Variants in VAV3 observed in about 807,000 individuals in gnomAD.
The protein encoded by VAV3 is guanine nucleotide exchange factor VAV3.
Under a neutral mutation model 131.2 loss-of-function variants are expected in VAV3, and 94 were observed. The observed-to-expected ratio is 0.72, with a 90% CI of 0.61 to 0.85. The LOEUF is 0.85. Among genes scored for constraint, VAV3 ranks in the 40% least tolerant of loss-of-function variants. VAV3 has a pLI of 0.00. For synonymous variants in VAV3, 349 were observed against 342.0 expected (o/e 1.02, Z -0.22); for missense variants, 939 against 1,002.7 (o/e 0.94, Z 0.86).
chr1:107,707,704 T>C (rs149002155), intron 15 of VAV3, among the ~76,000 whole-genome samples: 1 of 152,324 alleles, frequency 6.6e-6, no homozygotes, highest in Non-Finnish European at 1.5e-5. Flanking sequence ...AGAGATTACA[T>C]GTATGAAAAA....
intron 6 of VAV3, among the ~76,000 whole-genome samples, chr1:107,770,287 C>T (rs969661320): frequency 6.6e-6 from 1 of 152,096 alleles, no homozygotes; most frequent in African/African-American, 2.4e-5. Context: ...AGCCCTCCCC[C>T]CCCATCACTC....
In VAV3 at chr1:107,809,270, C is replaced by CT. The variant is rs200876765; in HGVS notation, c.322-29779_322-29778insA. ...AGGTGGAATCAGCACTATAATTAGA[C>CT]ACAACCTAAGAGTCTGAGAAATCAA... On this transcript the variant is annotated intron_variant, in intron 2 of 26. Transcript: ENST00000370056. Among the ~76,000 whole-genome samples, 6 of 152,124 alleles carry CT rather than the reference C, an allele frequency of 3.9e-5. No homozygotes were observed. The East Asian group carries it at 1.2e-3, about 29-fold the overall frequency.
chr1:107,941,397 T>C (rs1673989320), intron 1 of VAV3, among the ~76,000 whole-genome samples: 2 of 152,206 alleles, frequency 1.3e-5, no homozygotes, highest in African/African-American at 4.8e-5. Flanking sequence ...TGCTTTGGGC[T>C]GTAAAAACTG....
At chr1:107,961,735 G>A (rs1212435758) in intron 1 of VAV3, among the ~76,000 whole-genome samples, 1 of 152,104 alleles carries the variant, frequency 6.6e-6, no homozygotes, top group Non-Finnish European at 1.5e-5. Context: ...AAAACAAACT[G>A]ATGTCAACAG....
intron 15 of VAV3, among the ~76,000 whole-genome samples, chr1:107,737,347 T>A (rs1011125200): frequency 2.0e-5 from 3 of 152,048 alleles, no homozygotes; most frequent in Non-Finnish European, 2.9e-5. Flanking sequence ...AAGCCAAAAT[T>A]GACAAATGGG....
At chr1:107,603,359 A>G (rs1198737026) in intron 22 of VAV3, among the ~76,000 whole-genome samples, 196 bp from the exon 23 acceptor site, 2 of 152,188 alleles carry the variant, frequency 1.3e-5, no homozygotes, top group African/African-American at 4.8e-5. Flanking sequence ...CTACAAAACT[A>G]ACAACAGCAA....
At chr1:107,672,714 A>G (rs1353496356) in intron 19 of VAV3, among the ~76,000 whole-genome samples, 1 of 152,198 alleles carries the variant, frequency 6.6e-6, no homozygotes. Flanking sequence ...AAGAGGGAGT[A>G]AGCATAATAG....
chr1:107,648,459 C>T (rs148597513), intron 19 of VAV3, among the ~76,000 whole-genome samples: 2 of 151,926 alleles, frequency 1.3e-5, no homozygotes, highest in Non-Finnish European at 2.9e-5. Flanking sequence ...TTCTGTTATA[C>T]ATGTACATTT....
intron 20 of VAV3, among the ~76,000 whole-genome samples, chr1:107,639,748 A>G (rs1450964827): frequency 6.6e-6 from 1 of 152,134 alleles, no homozygotes; most frequent in East Asian, 1.9e-4. Context: ...GTTTGAGAAT[A>G]GCCTGGGCAA....
chr1:107,596,686 T>A (rs2101073730), intron 24 of VAV3, among the ~76,000 whole-genome samples: 1 of 152,352 alleles, frequency 6.6e-6, no homozygotes, highest in African/African-American at 2.4e-5. Flanking sequence ...ATGAAATACT[T>A]GCCTTTCTAA....
chr1:107,803,983 T>C lies in VAV3; in HGVS notation c.322-24491A>G, dbSNP rs116703098. 3.3e-3 allele frequency among the ~76,000 whole-genome samples: 495 copies of C among 152,204 alleles called. 1 individual carries two copies. Among genetic ancestry groups the C allele is most frequent in the African/African-American group, 0.011 (461 of 41,558 alleles). On this transcript the variant is annotated intron_variant, in intron 2 of 26. Coordinates refer to ENST00000370056, the MANE Select transcript of VAV3 (RefSeq NM_006113.5). The stretch of plus-strand genomic sequence containing the variant: ...CCTGCTGAATTGACCCCTTATATTA[T>C]TAATATAGTCACCTTCTCTATTAGG...
chr1:107,917,736 G>A (rs1004921937), intron 1 of VAV3, among the ~76,000 whole-genome samples: 3 of 152,042 alleles, frequency 2.0e-5, no homozygotes, highest in African/African-American at 7.2e-5. Flanking sequence ...AAATGCTTAG[G>A]CCAGAAATGT....
intron 25 of VAV3, among the ~76,000 whole-genome samples, chr1:107,582,861 T>A (rs889729566): frequency 1.3e-5 from 2 of 152,086 alleles, no homozygotes; most frequent in African/African-American, 4.8e-5. Context: ...TGAATAGTGA[T>A]GCAATAAACA....
intron 2 of VAV3, among the ~76,000 whole-genome samples, chr1:107,844,655 G>T (rs1482719679): frequency 6.6e-6 from 1 of 152,128 alleles, no homozygotes; most frequent in Non-Finnish European, 1.5e-5. Context: ...TGAGTAGGCA[G>T]TTTTCCCCTC....
intron 1 of VAV3, among the ~76,000 whole-genome samples, chr1:107,913,319 T>C (rs749660723): frequency 6.6e-6 from 1 of 152,232 alleles, no homozygotes; most frequent in Non-Finnish European, 1.5e-5. Flanking sequence ...GAAGATGTAG[T>C]CAATTTAAGT....
chr1:107,907,023 G>T (rs1332674570), intron 1 of VAV3, among the ~76,000 whole-genome samples: 3 of 152,154 alleles, frequency 2.0e-5, no homozygotes, highest in Non-Finnish European at 2.9e-5. Context: ...CAATGCAAAA[G>T]GGCCTAAGTG....
chr1:107,731,553 AACAG>A (rs571105788), intron 15 of VAV3, among the ~76,000 whole-genome samples: 57 of 152,350 alleles, frequency 3.7e-4, no homozygotes, highest in Non-Finnish European at 6.9e-4. Flanking sequence ...ATTATACTTT[AACAG>A]ACAAAGAATT....
intron 12 of VAV3, among the ~76,000 whole-genome samples, chr1:107,753,549 TAC>T (rs1553201322): frequency 1.2e-5 from 1 of 82,050 alleles, no homozygotes; most frequent in Non-Finnish European, 2.5e-5. Context: ...TATATATATA[TAC>T]ACACACACAC....
rs1013158460 is a variant in VAV3 at position 107,792,523 on chromosome 1, A to G, written c.322-13031T>C. 3.9e-5 allele frequency among the ~76,000 whole-genome samples: 6 copies of G among 152,190 alleles called. No individual in the cohort carries two copies. In the East Asian group the frequency reaches 1.2e-3, roughly 29 times the overall value. ...ATAAATTTCAACAGGTAATAAAGCC[A>G]CTAGTACTGTTTACTAGAGTGGGAA... On this transcript the variant is annotated intron_variant, in intron 2 of 26. Coordinates refer to ENST00000370056, the MANE Select transcript of VAV3 (RefSeq NM_006113.5).
Sources: gnomAD v4.1 joint callset for allele counts (sites outside exome capture counted in the v4.1 genomes callset) on GRCh38, gnomAD v4.1.1 for gene constraint, MANE v1.5 for transcripts, NCBI Gene and HGNC (gene_info 2026-07-23, HGNC 2026-07-21) for gene names.